TTC39B: variants seen among roughly 807,000 people sequenced by gnomAD.
The protein encoded by TTC39B is tetratricopeptide repeat protein 39B.
In TTC39B, 92 loss-of-function variants were observed where a neutral mutation model predicts 96.6. That is an observed-to-expected ratio of 0.95 (90% CI 0.80 to 1.13). TTC39B has a LOEUF of 1.13. Ranked by LOEUF, TTC39B falls within the 50% of genes most tolerant of loss-of-function variation. The probability of loss-of-function intolerance (pLI) is 0.00; values close to 1 mark genes in which losing one functional copy is unlikely to be tolerated. For synonymous variants in TTC39B, 367 were observed against 299.4 expected (o/e 1.23, Z -2.33); for missense variants, 955 against 809.3 (o/e 1.18, Z -2.18).
At chr9:15,259,247 T>A (rs1822861973) in intron 2 of TTC39B, among the ~76,000 whole-genome samples, 1 of 152,236 alleles carries the variant, frequency 6.6e-6, no homozygotes, top group Non-Finnish European at 1.5e-5. Context: ...AGTTATGTTC[T>A]TAGGGAGAGG....
At chr9:15,188,159 C>A in intron 13 of TTC39B, 27 bp from the exon 14 acceptor site, 1 of 1,553,032 alleles carries the variant, frequency 6.4e-7, no homozygotes, top group South Asian at 1.3e-5. Context: ...CAAAGTTGAT[C>A]GTCCAGATAT....
chr9:15,195,051 G>C (rs1205486276), intron 8 of TTC39B, among the ~76,000 whole-genome samples: 1 of 152,356 alleles, frequency 6.6e-6, no homozygotes, highest in African/African-American at 2.4e-5. Flanking sequence ...AGCCAAGACA[G>C]GCTGGAAGCT....
Position 15,295,941 on chromosome 9 carries a change from C to T in TTC39B, c.240+11143G>A, listed in dbSNP as rs112133834. 1.1e-3 allele frequency among the ~76,000 whole-genome samples: 172 copies of T among 152,248 alleles called. 1 individual carries two copies. The highest frequency in any genetic ancestry group is 3.8e-3 in the African/African-American group (157 of 41,540). On this transcript the variant is annotated intron_variant, in intron 1 of 19. Transcript: ENST00000512701. ...GGATTTTGGAGTCAGGCCTCACTTC[C>T]CCCTCTTGAGGACTCTCCCTCTCTG...
chr9:15,303,895 A>C (rs1269743571), intron 1 of TTC39B, among the ~76,000 whole-genome samples: 1 of 152,158 alleles, frequency 6.6e-6, no homozygotes, highest in Non-Finnish European at 1.5e-5. Context: ...TCAGCCTCCC[A>C]AAGTGATGGG....
intron 2 of TTC39B, among the ~76,000 whole-genome samples, chr9:15,244,241 T>A (rs1251829648): frequency 1.3e-5 from 2 of 152,272 alleles, no homozygotes; most frequent in Non-Finnish European, 2.9e-5. Flanking sequence ...GAGGGTTCTC[T>A]TATTTCTGAC....
chr9:15,206,548 G>A (rs1297605082), intron 6 of TTC39B, among the ~76,000 whole-genome samples: 1 of 152,100 alleles, frequency 6.6e-6, no homozygotes, highest in African/African-American at 2.4e-5. Flanking sequence ...TTAGCCATTA[G>A]GCACTTATGA....
chr9:15,174,914 T>C, intron 19 of TTC39B, 105 bp downstream of exon 19: 1 of 749,568 alleles, frequency 1.3e-6, no homozygotes, highest in Non-Finnish European at 2.3e-6. Context: ...TATTACTAAT[T>C]TGACATTGTT....
chr9:15,214,401 G>T (rs1282130369), intron 3 of TTC39B, 152 bp from the exon 4 acceptor site: 30 of 604,316 alleles, frequency 5.0e-5, no homozygotes, highest in Admixed American at 4.3e-4. Flanking sequence ...AGACAGGACA[G>T]GCTGGTTATA....
intron 3 of TTC39B, among the ~76,000 whole-genome samples, chr9:15,225,461 G>A (rs891978924): frequency 7.9e-5 from 12 of 152,006 alleles, no homozygotes; most frequent in African/African-American, 1.9e-4. Flanking sequence ...AATATTTGAC[G>A]AAAAAATCTA....
intron 2 of TTC39B, chr9:15,249,914 T>C (rs921584820): frequency 2.4e-6 from 3 of 1,265,426 alleles, no homozygotes; most frequent in Non-Finnish European, 3.1e-6. Flanking sequence ...TATGACATAC[T>C]CACAGATTTA....
In TTC39B at chr9:15,204,053, C is replaced by G. The variant is rs144459405; in HGVS notation, c.692-163G>C. Among the ~76,000 whole-genome samples the G allele has an allele frequency of 3.1e-4, 47 of 152,292 alleles. 1 individual carries two copies. Among genetic ancestry groups the G allele is most frequent in the African/African-American group, 1.0e-3 (43 of 41,550 alleles). On this transcript the variant is annotated intron_variant, in intron 6 of 19. Coordinates refer to ENST00000512701, the Ensembl canonical transcript of TTC39B. ...AGTGGAATGATAACCCCAGTTCTCA[C>G]TTTGTCAGGAAGATTTTCCTGGAAT...
At chr9:15,168,672 C>T (rs2761131) in exon 20 of TTC39B, 17,156 of 152,194 alleles carry the variant, frequency 0.11, 1,054 homozygotes, top group African/African-American at 0.16. Flanking sequence ...ATTAGCCAGG[C>T]GTGGTGGCGG....
exon 20 of TTC39B, chr9:15,169,122 G>C (rs1200385806): frequency 6.6e-6 from 1 of 152,172 alleles, no homozygotes; most frequent in Non-Finnish European, 1.5e-5. Context: ...ATTTTAGACT[G>C]TTGGGTTTTC....
chr9:15,300,213 C>G (rs563529596), intron 1 of TTC39B, among the ~76,000 whole-genome samples: 1 of 152,282 alleles, frequency 6.6e-6, no homozygotes, highest in South Asian at 2.1e-4. Context: ...TGCTTGCTGT[C>G]CTTCCCCATC....
intron 3 of TTC39B, among the ~76,000 whole-genome samples, chr9:15,217,098 C>T (rs1820563995): frequency 6.6e-6 from 1 of 152,062 alleles, no homozygotes; most frequent in Non-Finnish European, 1.5e-5. Flanking sequence ...ATGAGCAAGG[C>T]AGAGAATGAG....
intron 1 of TTC39B, among the ~76,000 whole-genome samples, chr9:15,285,655 C>T (rs913666894): frequency 7.2e-5 from 11 of 152,142 alleles, no homozygotes; most frequent in African/African-American, 2.7e-4. Flanking sequence ...GAGATGGAGA[C>T]CATCCTGGCT....
At chr9:15,183,464 CAAAA>C (rs35283660) in intron 16 of TTC39B, 528 of 258,844 alleles carry the variant, frequency 2.0e-3, no homozygotes, top group East Asian at 3.3e-3. Flanking sequence ...TTCCTAGGTA[CAAAA>C]AAAAAAAAAA....
At chr9:15,264,387 C>T (rs149850222) in intron 2 of TTC39B, among the ~76,000 whole-genome samples, 1 of 152,294 alleles carries the variant, frequency 6.6e-6, no homozygotes, top group East Asian at 1.9e-4. Flanking sequence ...CGCAGTGGCT[C>T]ATGCCTGTAA....
At chr9:15,183,257 T>C (rs560232573) in intron 16 of TTC39B, 3 of 339,766 alleles carry the variant, frequency 8.8e-6, no homozygotes, top group Non-Finnish European at 1.7e-5. Context: ...CACCGAAAAC[T>C]AAGATCATGA....
Sources: allele counts gnomAD v4.1 joint callset (sites outside exome capture counted in the v4.1 genomes callset), GRCh38; gene constraint gnomAD v4.1.1; transcripts MANE v1.5; gene names NCBI Gene and HGNC (gene_info 2026-07-23, HGNC 2026-07-21).